TEAD1: variants seen among roughly 807,000 people sequenced by gnomAD.
The protein encoded by TEAD1 is transcriptional enhancer factor TEF-1.
In TEAD1, 9 loss-of-function variants were observed where a neutral mutation model predicts 54.9. That is an observed-to-expected ratio of 0.16 (90% CI 0.10 to 0.29). The LOEUF (loss-of-function observed/expected upper bound fraction) is 0.29. TEAD1 is among the 10% of genes least tolerant of loss of function. TEAD1 has a pLI of 1.00. For missense variants in TEAD1, 387 were observed against 535.9 expected (o/e 0.72, Z 2.74); for synonymous variants, 200 against 187.8 (o/e 1.07, Z -0.53).
At chr11:12,848,802 T>C (rs551592582) in intron 3 of TEAD1, 4 of 149,954 alleles carry the variant, frequency 2.7e-5, no homozygotes, top group African/African-American at 9.8e-5. Flanking sequence ...AAAAAAAAAA[T>C]AGCTGCGTAT....
At chr11:12,843,059 T>C (rs1419263611) in intron 3 of TEAD1, among the ~76,000 whole-genome samples, 5 of 152,178 alleles carry the variant, frequency 3.3e-5, no homozygotes, top group African/African-American at 9.7e-5. Flanking sequence ...TTTTTCTAGC[T>C]AATTGTTTAT....
intron 2 of TEAD1, among the ~76,000 whole-genome samples, chr11:12,712,428 C>T (rs990284964): frequency 6.6e-6 from 1 of 152,214 alleles, no homozygotes; most frequent in Admixed American, 6.5e-5. Context: ...TGCATGATGA[C>T]CGCCATCCCA....
chr11:12,787,829 G>A (rs1945711199), intron 3 of TEAD1, among the ~76,000 whole-genome samples: 1 of 152,140 alleles, frequency 6.6e-6, no homozygotes, highest in African/African-American at 2.4e-5. Context: ...ATCTTGGCTT[G>A]TAAGTAAATA....
intron 3 of TEAD1, among the ~76,000 whole-genome samples, chr11:12,767,101 G>A (rs1945222945): frequency 6.6e-6 from 1 of 152,160 alleles, no homozygotes; most frequent in African/African-American, 2.4e-5. Context: ...CTGGTTGACT[G>A]GGAGCTGCCT....
intron 2 of TEAD1, among the ~76,000 whole-genome samples, chr11:12,690,241 CAAA>C (rs1173617315): frequency 4.9e-5 from 4 of 81,686 alleles, no homozygotes; most frequent in Non-Finnish European, 5.5e-5. Flanking sequence ...GACTCCGTCT[CAAA>C]AAAAAAAAAA....
intron 2 of TEAD1, among the ~76,000 whole-genome samples, chr11:12,733,394 T>C (rs1944462614): frequency 6.6e-6 from 1 of 152,140 alleles, no homozygotes; most frequent in African/African-American, 2.4e-5. Context: ...TACCCGCCAG[T>C]GGTTCCAGCT....
intron 2 of TEAD1, among the ~76,000 whole-genome samples, chr11:12,730,338 G>A (rs934479186): frequency 6.7e-6 from 1 of 150,172 alleles, no homozygotes; most frequent in Non-Finnish European, 1.5e-5. Flanking sequence ...GGCTTCTAGA[G>A]ATTAAAGTGA....
At chr11:12,847,814 G>C (rs1329565248) in intron 3 of TEAD1, among the ~76,000 whole-genome samples, 1 of 152,132 alleles carries the variant, frequency 6.6e-6, no homozygotes, top group African/African-American at 2.4e-5. Flanking sequence ...CAGCCACTGT[G>C]CCCAGCCTAG....
chr11:12,888,072 A>G (rs1306326729), intron 9 of TEAD1, among the ~76,000 whole-genome samples: 1 of 152,248 alleles, frequency 6.6e-6, no homozygotes, highest in African/African-American at 2.4e-5. Flanking sequence ...GCTATTTGTC[A>G]TTAGTGACTT....
At chr11:12,716,771 A>G (rs1465681036) in intron 2 of TEAD1, among the ~76,000 whole-genome samples, 1 of 152,126 alleles carries the variant, frequency 6.6e-6, no homozygotes, top group African/African-American at 2.4e-5. Context: ...GAATGTAAAA[A>G]CCATTCTTCC....
intron 2 of TEAD1, among the ~76,000 whole-genome samples, chr11:12,690,483 G>A (rs947193318): frequency 5.9e-5 from 9 of 152,202 alleles, no homozygotes; most frequent in East Asian, 3.9e-4. Context: ...AGACTGCCTC[G>A]TTCTGGATTT....
At position 12,737,877 on chromosome 11, in the gene TEAD1, A is replaced by G. The variant is rs544482803; in HGVS notation, c.-54-26302A>G. On this transcript the variant is annotated intron_variant, in intron 2 of 12. Coordinates refer to ENST00000527636, the MANE Select transcript of TEAD1 (RefSeq NM_021961.6). ...CATACCTGAGACTGGGTAACTTACA[A>G]AGAAAAAGAGGTTTAATGGACTCAC... 3.9e-5 allele frequency among the ~76,000 whole-genome samples: 6 copies of G among 152,334 alleles called. No individual in the cohort carries two copies. In the South Asian group the frequency reaches 1.2e-3, roughly 32 times the overall value.
rs573298016 is a variant in TEAD1 at position 12,689,196 on chromosome 11, ACT to A, written c.-55+13638_-55+13639del. Among the ~76,000 whole-genome samples, 7 of 151,728 alleles carry A rather than the reference ACT, an allele frequency of 4.6e-5. No homozygotes were observed. The South Asian group carries it at 1.5e-3, about 32-fold the overall frequency. On this transcript the variant is annotated intron_variant, in intron 2 of 12. Transcript: ENST00000527636. ...CTCTTATCACTTTAAGATCTCAGAGACTCTACCCTGCAGTTCACTACATTTCA... is the reference window on the plus strand; with the variant it reads ...CTCTTATCACTTTAAGATCTCAGAGACTACCCTGCAGTTCACTACATTTCA...
At chr11:12,741,502 T>C in intron 2 of TEAD1, among the ~76,000 whole-genome samples, 1 of 152,224 alleles carries the variant, frequency 6.6e-6, no homozygotes, top group East Asian at 1.9e-4. Context: ...AAAGTCTTGC[T>C]GATTAAGAGG....
Position 12,684,210 on chromosome 11 carries a change from C to T in TEAD1, c.-55+8649C>T, listed in dbSNP as rs983119841. 2.6e-5 allele frequency among the ~76,000 whole-genome samples: 4 copies of T among 152,288 alleles called. No homozygotes were observed. In the East Asian group the frequency reaches 7.7e-4, roughly 29 times the overall value. Reference sequence around the variant, plus strand: ...TGACCATTAATCGCTTTGAACCACACGTCCCTTATTCATAAAGTGGAGGAA... The same window carrying T: ...TGACCATTAATCGCTTTGAACCACATGTCCCTTATTCATAAAGTGGAGGAA... On this transcript the variant is annotated intron_variant, in intron 2 of 12. Coordinates refer to ENST00000527636, the MANE Select transcript of TEAD1 (RefSeq NM_021961.6).
chr11:12,930,037 G>T, intron 11 of TEAD1, 137 bp from the exon 12 acceptor site: 3 of 903,930 alleles, frequency 3.3e-6, no homozygotes, highest in Middle Eastern at 2.4e-4. Flanking sequence ...TTTTAATTAA[G>T]TAGATTACGT....
chr11:12,781,951 C>CAAAAAAAAAAAA (rs71454001), intron 3 of TEAD1, among the ~76,000 whole-genome samples: 16 of 64,658 alleles, frequency 2.5e-4, no homozygotes, highest in East Asian at 9.2e-4. Context: ...CTCGTCTGTA[C>CAAAAAAAAAAAA]AAAAAAAAAA....
At chr11:12,924,264 C>T (rs916882870) in intron 10 of TEAD1, among the ~76,000 whole-genome samples, 1 of 150,894 alleles carries the variant, frequency 6.6e-6, no homozygotes, top group Non-Finnish European at 1.5e-5. Flanking sequence ...ATTGCTGCAA[C>T]TCTAAGTATC....
intron 10 of TEAD1, among the ~76,000 whole-genome samples, chr11:12,910,914 T>G (rs1948606597): frequency 6.6e-6 from 1 of 152,084 alleles, no homozygotes; most frequent in African/African-American, 2.4e-5. Context: ...GCCCAGCTAA[T>G]TTTTGTATTT....
Sources: allele counts gnomAD v4.1 joint callset (sites outside exome capture counted in the v4.1 genomes callset), GRCh38; gene constraint gnomAD v4.1.1; transcripts MANE v1.5; gene names NCBI Gene and HGNC (gene_info 2026-07-23, HGNC 2026-07-21).